Variants in PIM2 observed in about 807,000 individuals in gnomAD.
PIM2 encodes serine/threonine-protein kinase pim-2.
Under a neutral mutation model 18.0 loss-of-function variants are expected in PIM2, and 3 were observed. The observed-to-expected ratio is 0.17, with a 90% confidence interval of 0.08 to 0.43. The LOEUF is 0.43. Among genes scored for constraint, PIM2 ranks in the 20% least tolerant of loss-of-function variants. PIM2 has a pLI of 0.99. For synonymous variants in PIM2, 117 were observed against 105.3 expected, an observed-to-expected ratio of 1.11 and a Z score of -0.68; for missense variants, 181 against 260.8, an observed-to-expected ratio of 0.69 and a Z score of 2.11.
At chrX:48,916,758 G>C (rs182026404) in intron 3 of PIM2, among the ~76,000 whole-genome samples, 1 of 110,804 alleles carries the variant, frequency 9.0e-6, no homozygotes, top group South Asian at 3.8e-4. Flanking sequence ...TGAGGCAGGA[G>C]AATCGCTTGA....
At chrX:48,917,329 C>T (rs1177680068) in intron 3 of PIM2, among the ~76,000 whole-genome samples, 2 of 111,859 alleles carry the variant, frequency 1.8e-5, no homozygotes, top group African/African-American at 3.3e-5. Context: ...TGCAAAAATA[C>T]CGATATTGCG....
Position 48,918,881 on chromosome X carries a change from C to G in PIM2, c.-47G>C. 1 of 1,113,393 alleles carries G rather than the reference C, an allele frequency of 9.0e-7. No individual in the cohort carries two copies. Among genetic ancestry groups the G allele is most frequent in the Non-Finnish European group, 1.2e-6 (1 of 823,447 alleles). The allele number at this position is 1,113,393 out of a possible 1,213,427, so 91.8% of individuals were successfully genotyped here. A position where few individuals can be genotyped will look rare whatever the true frequency, so the allele number is the denominator to read the frequency against. The stretch of plus-strand genomic sequence containing the variant: ...GAGCCCACTGAACCCGCTAAGCCCG[C>G]AGGGCGTGGACGCCCGGGGCAGCGC... On this transcript the variant is annotated 5_prime_UTR_variant, in exon 1 of 6. Transcript: ENST00000376509.
At chrX:48,918,740 C>T in intron 1 of PIM2, 34 bp downstream of exon 1, 1 of 1,173,934 alleles carries the variant, frequency 8.5e-7, no homozygotes, top group Non-Finnish European at 1.2e-6. Context: ...TCCAGCCCAC[C>T]CCGTCTGGTT....
chrX:48,918,294 C>CGCT, intron 2 of PIM2, among the ~76,000 whole-genome samples: 1 of 50,400 alleles, frequency 2.0e-5, no homozygotes, highest in African/African-American at 1.0e-4. Context: ...ATCTGAAGCC[C>CGCT]CCTGCCCCCC....
In PIM2 at chrX:48,918,815, T is replaced by C; in HGVS notation, c.20A>G (p.Gln7Arg). Residue 7 changes from glutamine (Q) to arginine (R), a missense_variant, in exon 1 of 6, where the codon CAG (glutamine) becomes CGG (arginine). Physicochemically the swap from Gln to Arg is conservative, Grantham distance 43. Coordinates refer to ENST00000376509, the MANE Select transcript of PIM2 (RefSeq NM_006875.4). ...GGTCCCGGGGGGCGCGGGAGGCCCC[T>C]GTAGAGGCTTGGTCAACATGGAGGT... MLTKPLQGPPAPPGTPT... is the reference protein window; with the variant it reads MLTKPLRGPPAPPGTPT... The C allele has an allele frequency of 1.7e-6, 2 of 1,194,364 alleles. No individual in the cohort carries two copies. Among genetic ancestry groups the C allele is most frequent in the Non-Finnish European group, 2.2e-6 (2 of 890,292 alleles).
At chrX:48,914,324 T>C in intron 5 of PIM2, 30 bp from the exon 6 acceptor site, 1 of 1,209,724 alleles carries the variant, frequency 8.3e-7, no homozygotes, top group South Asian at 1.8e-5. Context: ...GAGGGAAGAT[T>C]AGCAGTCAGT....
In PIM2 at chrX:48,913,834, G is replaced by C. The variant is rs1557044871; in HGVS notation, c.*297C>G. The C allele has an allele frequency of 3.9e-6, 1 of 258,537 alleles. No individual in the cohort carries two copies. The highest frequency in any genetic ancestry group is 6.7e-5 in the Admixed American group (1 of 15,033). 21.3% of individuals were successfully genotyped at this position (258,537 alleles called of 1,213,427 possible). A position where few individuals can be genotyped will look rare whatever the true frequency, so the allele number is the denominator to read the frequency against. On this transcript the variant is annotated 3_prime_UTR_variant, in exon 6 of 6. Transcript: ENST00000376509. ...ATAAGAGTCCCGGGGCTCAGAATGG[G>C]AACAACTTCACCAAAATAAACTTCC...
Position 48,917,814 on chromosome X carries a change from A to C in PIM2, c.189T>G (p.Ile63Met), listed in dbSNP as rs2063567394. 1 of 1,200,910 alleles carries C rather than the reference A, an allele frequency of 8.3e-7. No individual in the cohort carries two copies. Among genetic ancestry groups the C allele is most frequent in the African/African-American group, 1.8e-5 (1 of 56,692 alleles). Reference protein sequence around the residue: ...TDRLQVAIKVIPRNRVLGWSP... With the variant: ...TDRLQVAIKVMPRNRVLGWSP... ...ACCAGCCCAGCACACGATTCCGGGG[A>C]ATCACTTTGATGGCCACCTGGAGAA... is the stretch of plus-strand genomic sequence containing the variant. Residue 63 changes from isoleucine (I) to methionine (M), a missense_variant, in exon 3 of 6, where the codon ATT (isoleucine) becomes ATG (methionine). Ile to Met is a conservative substitution (Grantham distance 10). This residue lies in a region of PIM2 where 104 missense variants were observed against 125.3 expected (regional missense o/e 0.83). Transcript: ENST00000376509.
intron 2 of PIM2, among the ~76,000 whole-genome samples, chrX:48,918,192 C>T (rs2063568319): frequency 9.3e-6 from 1 of 107,750 alleles, no homozygotes; most frequent in African/African-American, 3.4e-5. Flanking sequence ...CCACACTGGA[C>T]ACCTACCTCC....
intron 3 of PIM2, chrX:48,915,631 A>AAGCAG (rs2063561142): frequency 2.8e-6 from 1 of 352,409 alleles, no homozygotes; most frequent in African/African-American, 2.6e-5. Context: ...ATCAATAAAC[A>AAGCAG]TTTGAATAAA....
Position 48,913,462 on chromosome X carries a change from T to A in PIM2, c.*669A>T. On this transcript the variant is annotated 3_prime_UTR_variant, in exon 6 of 6. Coordinates refer to ENST00000376509, the MANE Select transcript of PIM2 (RefSeq NM_006875.4). Reference sequence around the variant, plus strand: ...CCTAGTGTCTGGTGGTGTCCGGTGGTGTCCATCTTCCATTCCTTCCCAAAT... The same window carrying A: ...CCTAGTGTCTGGTGGTGTCCGGTGGAGTCCATCTTCCATTCCTTCCCAAAT... 9.5e-6 allele frequency: 1 copy of A among 105,617 alleles called. No individual in the cohort carries two copies. Among genetic ancestry groups the A allele is most frequent in the Non-Finnish European group, 1.9e-5 (1 of 51,523 alleles). The allele number at this position is 105,617 out of a possible 1,213,427, so 8.7% of individuals were successfully genotyped here.
intron 2 of PIM2, 148 bp downstream of exon 2, chrX:48,918,388 C>G: frequency 2.3e-6 from 1 of 439,353 alleles, no homozygotes; most frequent in Non-Finnish European, 3.9e-6. Flanking sequence ...AGGCTCACTC[C>G]TCGGACACGG....
At chrX:48,917,970 A>T in intron 2 of PIM2, 139 bp from the exon 3 acceptor site, 1 of 507,477 alleles carries the variant, frequency 2.0e-6, no homozygotes, top group Non-Finnish European at 3.5e-6. Context: ...CACCCCACAG[A>T]ACGCGTACCA....
At chrX:48,916,090 CAAT>C (rs1331565590) in intron 3 of PIM2, among the ~76,000 whole-genome samples, 6 of 112,525 alleles carry the variant, frequency 5.3e-5, no homozygotes, top group African/African-American at 1.9e-4. Flanking sequence ...AGTTAGCACT[CAAT>C]AAACACTTAT....
intron 4 of PIM2, 138 bp from the exon 5 acceptor site, chrX:48,914,709 G>T: frequency 1.9e-6 from 1 of 538,996 alleles, no homozygotes; most frequent in Non-Finnish European, 3.0e-6. Context: ...ATAAAAAGCA[G>T]CTAAAATAAC....
At position 48,918,930 on chromosome X, in the gene PIM2, G is replaced by T; in HGVS notation, c.-96C>A. 1 of 729,380 alleles carries T rather than the reference G, an allele frequency of 1.4e-6. No individual in the cohort carries two copies. The highest frequency in any genetic ancestry group is 2.0e-6 in the Non-Finnish European group (1 of 496,840). 60.1% of individuals were successfully genotyped at this position (729,380 alleles called of 1,213,427 possible). ...GCAGCTGGGGAGCCAGGGCTGGGGG[G>T]CGCCAGGGTGGAAAGCAGAGAAACT... is the stretch of plus-strand genomic sequence containing the variant. On this transcript the variant is annotated 5_prime_UTR_variant, in exon 1 of 6. Transcript: ENST00000376509.
In PIM2 at chrX:48,918,766, G is replaced by A; in HGVS notation, c.61+8C>T. On this transcript the variant is annotated splice_region_variant and intron_variant, in intron 1 of 5. Coordinates refer to ENST00000376509, the MANE Select transcript of PIM2 (RefSeq NM_006875.4). ...CCGTCTGGTTGCAGTAGGGGAGGAT[G>A]TACTCACCTGGCGGCGGCGTGGGGG... 1.7e-6 allele frequency: 2 copies of A among 1,188,584 alleles called. No homozygotes were observed. The highest frequency in any genetic ancestry group is 2.3e-6 in the Non-Finnish European group (2 of 883,100).
intron 3 of PIM2, among the ~76,000 whole-genome samples, chrX:48,915,896 AACAAACAAGCAAAAAT>A (rs1205092275): frequency 8.9e-6 from 1 of 112,383 alleles, no homozygotes; most frequent in African/African-American, 3.2e-5. Flanking sequence ...GCTGTCTCAA[AACAAACAAGCAAAAAT>A]ACAAAGAAAA....
chrX:48,918,416 CACACACCTGGTCCTCT>C lies in PIM2; in HGVS notation c.171+104_171+119del, dbSNP rs1260368315. The C allele has an allele frequency of 5.3e-5, 27 of 505,001 alleles. No individual in the cohort carries two copies. In the African/African-American group the frequency reaches 5.9e-4, roughly 11 times the overall value. 41.6% of individuals were successfully genotyped at this position (505,001 alleles called of 1,213,427 possible). A position where few individuals can be genotyped will look rare whatever the true frequency, so the allele number is the denominator to read the frequency against. ...GGACACGGACACGGACACACACACA[CACACACCTGGTCCTCT>C]ACACACTCTGCAGGCTCACTCCTCG... On this transcript the variant is annotated intron_variant, in intron 2 of 5. Coordinates refer to ENST00000376509, the MANE Select transcript of PIM2 (RefSeq NM_006875.4).
Sources: gnomAD v4.1 joint callset for allele counts (sites outside exome capture counted in the v4.1 genomes callset) on GRCh38, gnomAD v4.1.1 for gene constraint, gnomAD v4.1.1 regional missense constraint, MANE v1.5 for transcripts, NCBI Gene and HGNC (gene_info 2026-07-23, HGNC 2026-07-21) for gene names.